Variants in KCTD20 observed in about 807,000 individuals in gnomAD.
The protein encoded by KCTD20 is potassium channel tetramerization domain containing 20.
Under a neutral mutation model 39.6 loss-of-function variants are expected in KCTD20, and 30 were observed. That is an observed-to-expected ratio of 0.76 (90% CI 0.57 to 1.03). The LOEUF is 1.03. Among genes scored for constraint, KCTD20 ranks in the 50% least tolerant of loss-of-function variants. The pLI, the probability that KCTD20 is intolerant of heterozygous loss-of-function variation, is 0.00. For synonymous variants in KCTD20, 162 were observed against 180.6 expected, an observed-to-expected ratio of 0.90 and a Z score of 0.83; for missense variants, 422 against 522.0, an observed-to-expected ratio of 0.81 and a Z score of 1.87.
intron 1 of KCTD20, among the ~76,000 whole-genome samples, chr6:36,465,955 A>G (rs1775740037): frequency 6.6e-6 from 1 of 152,322 alleles, no homozygotes; most frequent in East Asian, 1.9e-4. Flanking sequence ...CTGTTAAGCT[A>G]TAACAGGGTG....
chr6:36,447,267 T>C (rs1186152341), intron 1 of KCTD20, among the ~76,000 whole-genome samples: 1 of 152,232 alleles, frequency 6.6e-6, no homozygotes, highest in Non-Finnish European at 1.5e-5. Context: ...TTAATTCATG[T>C]AAAGTTCATA....
chr6:36,480,234 G>A (rs1453240907), intron 5 of KCTD20, among the ~76,000 whole-genome samples: 1 of 152,126 alleles, frequency 6.6e-6, no homozygotes, highest in African/African-American at 2.4e-5. Context: ...AAGGAAAACA[G>A]ATAGTAGTTT....
intron 3 of KCTD20, among the ~76,000 whole-genome samples, chr6:36,476,411 T>C (rs1474161980): frequency 6.7e-6 from 1 of 150,072 alleles, no homozygotes; most frequent in Non-Finnish European, 1.5e-5. Context: ...TTTGAACATA[T>C]AAATTCACAG....
chr6:36,484,540 G>C (rs1776359120), intron 6 of KCTD20, among the ~76,000 whole-genome samples, 174 bp from the exon 7 acceptor site: 2 of 152,054 alleles, frequency 1.3e-5, no homozygotes, highest in Admixed American at 1.3e-4. Flanking sequence ...CCCACCCTGA[G>C]ACTATAAAAA....
intron 1 of KCTD20, among the ~76,000 whole-genome samples, chr6:36,461,634 CA>C (rs1214925778): frequency 6.6e-6 from 1 of 152,110 alleles, no homozygotes; most frequent in Non-Finnish European, 1.5e-5. Context: ...TTTATGTGCA[CA>C]AAAGCTGTCT....
At chr6:36,448,773 C>T (rs988471738) in intron 1 of KCTD20, among the ~76,000 whole-genome samples, 1 of 152,140 alleles carries the variant, frequency 6.6e-6, no homozygotes, top group Non-Finnish European at 1.5e-5. Context: ...GCCGCGGAGC[C>T]TCGCGGTGAG....
intron 1 of KCTD20, among the ~76,000 whole-genome samples, chr6:36,448,017 A>ATG (rs760236122): frequency 0.096 from 10,649 of 110,498 alleles, 553 homozygotes; most frequent in Admixed American, 0.13. Flanking sequence ...GTGTGTGTGT[A>ATG]TATATATATA....
At chr6:36,445,486 G>A (rs1775013673) in intron 1 of KCTD20, among the ~76,000 whole-genome samples, 1 of 152,114 alleles carries the variant, frequency 6.6e-6, no homozygotes, top group South Asian at 2.1e-4. Context: ...CTTTCCTTCT[G>A]TAGCCCTGAG....
chr6:36,453,618 G>A (rs772398623), intron 1 of KCTD20, among the ~76,000 whole-genome samples: 68 of 150,968 alleles, frequency 4.5e-4, no homozygotes, highest in Non-Finnish European at 8.4e-4. Flanking sequence ...GGGTTCAAGC[G>A]ATTCTCCTGC....
chr6:36,455,604 TG>T (rs1225593810), intron 1 of KCTD20, among the ~76,000 whole-genome samples: 10 of 152,168 alleles, frequency 6.6e-5, no homozygotes, highest in African/African-American at 2.2e-4. Flanking sequence ...AGTGTGTGTG[TG>T]TGTGTGTGTG....
intron 7 of KCTD20, among the ~76,000 whole-genome samples, chr6:36,486,565 T>A (rs1776429711): frequency 1.3e-5 from 2 of 152,232 alleles, no homozygotes; most frequent in South Asian, 4.1e-4. Context: ...AGGACTTTTC[T>A]TCTATGGTAT....
chr6:36,464,270 G>C (rs1034888788), intron 1 of KCTD20, among the ~76,000 whole-genome samples: 13 of 152,160 alleles, frequency 8.5e-5, no homozygotes, highest in African/African-American at 3.1e-4. Context: ...TATAAAATGA[G>C]TTAGGAAAAA....
intron 1 of KCTD20, among the ~76,000 whole-genome samples, chr6:36,448,927 C>T (rs554729770): frequency 6.6e-6 from 1 of 152,026 alleles, no homozygotes; most frequent in South Asian, 2.1e-4. Context: ...TGTTACAGCT[C>T]TTAAAGGTGG....
intron 1 of KCTD20, among the ~76,000 whole-genome samples, chr6:36,462,016 C>T (rs906634138): frequency 7.9e-5 from 12 of 152,122 alleles, no homozygotes; most frequent in Admixed American, 7.9e-4. Flanking sequence ...CACAGATATC[C>T]TTTGAATTTT....
intron 1 of KCTD20, among the ~76,000 whole-genome samples, chr6:36,465,920 C>A (rs1775739330): frequency 6.6e-6 from 1 of 152,266 alleles, no homozygotes; most frequent in Non-Finnish European, 1.5e-5. Flanking sequence ...CTCTTGCTGC[C>A]TTTCCAAAGC....
At chr6:36,454,136 T>C (rs548352602) in intron 1 of KCTD20, among the ~76,000 whole-genome samples, 1 of 152,356 alleles carries the variant, frequency 6.6e-6, no homozygotes, top group African/African-American at 2.4e-5. Flanking sequence ...GCAAAAGAAT[T>C]ACTCTGCAAT....
intron 2 of KCTD20, among the ~76,000 whole-genome samples, chr6:36,473,697 T>C (rs6457922): frequency 0.23 from 34,826 of 151,740 alleles, 4,173 homozygotes; most frequent in East Asian, 0.39. Context: ...AGCGTGAACC[T>C]GGGAGGCGGA....
chr6:36,470,313 A>C, intron 2 of KCTD20, 56 bp downstream of exon 2: 3 of 1,471,908 alleles, frequency 2.0e-6, no homozygotes, highest in Non-Finnish European at 2.8e-6. Context: ...TAGAGCATCT[A>C]CTCTACCCAG....
At chr6:36,456,349 G>A (rs920906248) in intron 1 of KCTD20, among the ~76,000 whole-genome samples, 2 of 152,072 alleles carry the variant, frequency 1.3e-5, no homozygotes, top group Non-Finnish European at 2.9e-5. Flanking sequence ...CGCAATCTTG[G>A]CTCACTGCAA....
Sources: allele counts gnomAD v4.1 joint callset (sites outside exome capture counted in the v4.1 genomes callset), GRCh38; gene constraint gnomAD v4.1.1; transcripts MANE v1.5; gene names NCBI Gene and HGNC (gene_info 2026-07-23, HGNC 2026-07-21).